TANC2: variants seen among roughly 807,000 people sequenced by gnomAD.
The protein encoded by TANC2 is tetratricopeptide repeat, ankyrin repeat and coiled-coil containing 2.
A neutral mutation model predicts 210.5 loss-of-function variants in TANC2; 26 were observed. The observed-to-expected ratio is 0.12, with a 90% CI of 0.09 to 0.17. The LOEUF (loss-of-function observed/expected upper bound fraction) is 0.17, where lower values mean the gene tolerates loss of function less well. Ranked by LOEUF, TANC2 falls within the 10% of genes least tolerant of loss-of-function variation. The pLI is 1.00. For missense variants in TANC2, 2,129 were observed against 2,608.9 expected, an observed-to-expected ratio of 0.82 and a Z score of 4.01; for synonymous variants, 931 against 967.1, an observed-to-expected ratio of 0.96 and a Z score of 0.69.
At chr17:63,163,982 A>AT (rs1456564070) in intron 5 of TANC2, among the ~76,000 whole-genome samples, 5 of 152,298 alleles carry the variant, frequency 3.3e-5, no homozygotes, top group South Asian at 4.1e-4. Context: ...TACTTTGAAA[A>AT]TTTTTTAAAT....
rs573823873 is a variant in TANC2, at chr17:63,376,639, A to G, written c.2583-3079A>G. ...TGCCTTTACAGAATTTCTAAATTGT[A>G]GTGGATACCAGGTCACCTTGTTTGA... is the stretch of plus-strand genomic sequence containing the variant. On this transcript the variant is annotated intron_variant, in intron 14 of 27. Coordinates refer to ENST00000689528, the Ensembl canonical transcript of TANC2. Among the ~76,000 whole-genome samples, 6 of 152,280 alleles carry G rather than the reference A, an allele frequency of 3.9e-5. No homozygotes were observed. In the South Asian group the frequency reaches 6.2e-4, roughly 16 times the overall value.
At chr17:63,359,475 C>G (rs1013263215) in intron 14 of TANC2, among the ~76,000 whole-genome samples, 1 of 151,948 alleles carries the variant, frequency 6.6e-6, no homozygotes, top group Non-Finnish European at 1.5e-5. Context: ...TCCCAAGTAG[C>G]TGGGATATTA....
At chr17:63,063,525 C>CAAAG (rs1436230693) in intron 2 of TANC2, among the ~76,000 whole-genome samples, 6 of 141,092 alleles carry the variant, frequency 4.3e-5, no homozygotes, top group African/African-American at 1.6e-4. Flanking sequence ...GAAACTGGGA[C>CAAAG]AAAGACGTGT....
Position 63,420,326 on chromosome 17 carries a change from G to A in TANC2, c.4596G>A (p.Pro1532=), listed in dbSNP as rs777649289. 76 of 1,613,674 alleles carry A rather than the reference G, an allele frequency of 4.7e-5. No individual in the cohort carries two copies. Among genetic ancestry groups the A allele is most frequent in the Non-Finnish European group, 5.8e-5 (68 of 1,179,848 alleles). The stretch of plus-strand genomic sequence containing the variant: ...TCCAGAGCCCACCCTCCTCTCCCCC[G>A]CATCGGGACTCAGCCTACATCTCCA... The change falls in exon 28 of 28, where the codon CCG becomes CCA. Residue 1532 remains proline (P), a synonymous_variant. Transcript: ENST00000689528. This position sits in a 1 kb window ranked among gnomAD's most constrained non-coding sequence, Gnocchi z 4.2.
intron 14 of TANC2, among the ~76,000 whole-genome samples, chr17:63,371,480 A>C (rs1252819869): frequency 6.6e-6 from 1 of 152,132 alleles, no homozygotes; most frequent in Non-Finnish European, 1.5e-5. Context: ...AAAAAAAAAA[A>C]AATCAAAGCA....
intron 2 of TANC2, among the ~76,000 whole-genome samples, chr17:63,062,974 G>A (rs914360897): frequency 2.6e-5 from 4 of 152,162 alleles, no homozygotes; most frequent in African/African-American, 9.7e-5. Flanking sequence ...CCACAAACAT[G>A]ACAGTCACTT....
chr17:63,342,964 T>A (rs2046287681), intron 12 of TANC2, among the ~76,000 whole-genome samples: 2 of 152,194 alleles, frequency 1.3e-5, no homozygotes, highest in Admixed American at 6.5e-5. Flanking sequence ...TGTTTTTAAC[T>A]CACCCTTAAA....
At chr17:63,198,014 T>A (rs1193862116) in intron 6 of TANC2, among the ~76,000 whole-genome samples, 1 of 152,226 alleles carries the variant, frequency 6.6e-6, no homozygotes, top group African/African-American at 2.4e-5. Flanking sequence ...GATATGTGCT[T>A]TATTTTGCAC....
intron 11 of TANC2, among the ~76,000 whole-genome samples, chr17:63,333,661 T>A (rs2045932091): frequency 6.6e-6 from 1 of 152,202 alleles, no homozygotes; most frequent in Non-Finnish European, 1.5e-5. Flanking sequence ...AAAGAAGTTC[T>A]CCTATGGGTA....
At chr17:63,022,704 C>T (rs918980373) in intron 2 of TANC2, among the ~76,000 whole-genome samples, 4 of 152,092 alleles carry the variant, frequency 2.6e-5, no homozygotes, top group African/African-American at 7.2e-5. Flanking sequence ...CATCACAGGC[C>T]CAGAGGCTGA....
Position 63,421,334 on chromosome 17 carries a change from A to G in TANC2, c.5604A>G (p.Pro1868=). 1.2e-6 allele frequency: 2 copies of G among 1,613,944 alleles called. No homozygotes were observed. Among genetic ancestry groups the G allele is most frequent in the Non-Finnish European group, 1.7e-6 (2 of 1,179,876 alleles). The change falls in exon 28 of 28, where the codon CCA becomes CCG. Residue 1868 remains proline (P), a synonymous_variant. Transcript: ENST00000689528. The surrounding 1 kb of genome is among the most constrained non-coding windows in gnomAD (Gnocchi z 6.9). ...AAAGTGTAGGCCTTCGCTTCTCTCCATCTAGCAATAGTATCTCCTCCACCT... is the reference window on the plus strand; with the variant it reads ...AAAGTGTAGGCCTTCGCTTCTCTCCGTCTAGCAATAGTATCTCCTCCACCT...
At chr17:63,322,788 T>C (rs2045537468) in intron 11 of TANC2, among the ~76,000 whole-genome samples, 1 of 152,238 alleles carries the variant, frequency 6.6e-6, no homozygotes, top group Non-Finnish European at 1.5e-5. Context: ...CATCTTATTC[T>C]TTCTCTCATC....
Position 63,176,782 on chromosome 17 carries a change from G to A in TANC2, c.434-17209G>A, listed in dbSNP as rs552256291. ...GATCGTGCAGCTGCACTCCAGCCTG[G>A]GCGACAGAGCAAGACTCCATCTCAA... On this transcript the variant is annotated intron_variant, in intron 5 of 27. Transcript: ENST00000689528. Among the ~76,000 whole-genome samples, 12 of 146,154 alleles carry A rather than the reference G, an allele frequency of 8.2e-5. No individual in the cohort carries two copies. The South Asian group carries it at 2.4e-3, about 29-fold the overall frequency.
intron 14 of TANC2, among the ~76,000 whole-genome samples, chr17:63,364,231 T>C (rs1464030990): frequency 1.3e-5 from 2 of 152,236 alleles, no homozygotes; most frequent in Non-Finnish European, 2.9e-5. Context: ...GAATGTCTTT[T>C]AGCTTTACAA....
chr17:63,107,225 A>C (rs1422596546), intron 4 of TANC2, among the ~76,000 whole-genome samples: 2 of 151,726 alleles, frequency 1.3e-5, no homozygotes, highest in Non-Finnish European at 2.9e-5. Flanking sequence ...AGACAAAGTT[A>C]TCAGAATGTA....
intron 17 of TANC2, chr17:63,391,533 G>A (rs2047973306): frequency 6.6e-6 from 1 of 152,080 alleles, no homozygotes; most frequent in South Asian, 2.1e-4. Context: ...TTTAAAAGAG[G>A]TGTTAAAGTC....
At chr17:63,156,878 A>T (rs984649779) in intron 5 of TANC2, among the ~76,000 whole-genome samples, 1 of 152,040 alleles carries the variant, frequency 6.6e-6, no homozygotes, top group African/African-American at 2.4e-5. Flanking sequence ...TTTTGTAGAG[A>T]CAGGGTCTCA....
At chr17:63,156,401 T>C (rs1385646830) in intron 5 of TANC2, among the ~76,000 whole-genome samples, 1 of 149,170 alleles carries the variant, frequency 6.7e-6, no homozygotes, top group Non-Finnish European at 1.5e-5. Flanking sequence ...GAAGAAATGC[T>C]ATTGTAAAGG....
At chr17:63,232,038 T>G (rs1244216113) in intron 7 of TANC2, among the ~76,000 whole-genome samples, 2 of 152,210 alleles carry the variant, frequency 1.3e-5, no homozygotes, top group African/African-American at 4.8e-5. Flanking sequence ...TTCCTCCACT[T>G]TGTCTACTTG....
Sources: gnomAD v4.1 joint callset for allele counts (sites outside exome capture counted in the v4.1 genomes callset) on GRCh38, gnomAD v4.1.1 for gene constraint, Gnocchi (gnomAD v3.1) non-coding constraint, MANE v1.5 for transcripts, NCBI Gene and HGNC (gene_info 2026-07-23, HGNC 2026-07-21) for gene names.